Variants in CSMD1 observed in about 807,000 individuals in gnomAD.
CSMD1 encodes CUB and sushi domain-containing protein 1.
In CSMD1, 213 loss-of-function variants were observed where a neutral mutation model predicts 417.5. The observed-to-expected ratio is 0.51, with a 90% CI of 0.46 to 0.57. The LOEUF is 0.57. Among genes scored for constraint, CSMD1 ranks in the 20% least tolerant of loss-of-function variants. The pLI is 0.00. For synonymous variants in CSMD1, 2,862 were observed against 1,736.8 expected (o/e 1.65, Z -16.11); for missense variants, 6,923 against 4,529.7 (o/e 1.53, Z -15.17).
chr8:3,859,683 G>C (rs935174672), intron 5 of CSMD1, among the ~76,000 whole-genome samples: 2 of 152,138 alleles, frequency 1.3e-5, no homozygotes, highest in Non-Finnish European at 2.9e-5. Context: ...ATTAATCAAT[G>C]AGTCGTGCCT....
chr8:4,139,728 G>A (rs993198523), intron 3 of CSMD1, among the ~76,000 whole-genome samples: 1 of 151,174 alleles, frequency 6.6e-6, no homozygotes. Flanking sequence ...AGTGATGCTT[G>A]AGTAGATGAG....
chr8:3,732,777 G>T (rs565669481), intron 6 of CSMD1, among the ~76,000 whole-genome samples: 1 of 152,194 alleles, frequency 6.6e-6, no homozygotes, highest in East Asian at 1.9e-4. Flanking sequence ...AAGCTGAAAC[G>T]TCCATCCCAC....
intron 2 of CSMD1, among the ~76,000 whole-genome samples, chr8:4,634,439 G>T (rs374622026): frequency 6.6e-6 from 1 of 152,132 alleles, no homozygotes; most frequent in Admixed American, 6.6e-5. Context: ...AAATGCTCAA[G>T]TTGTTTAACA....
chr8:3,622,736 A>T (rs1584976256), intron 7 of CSMD1, among the ~76,000 whole-genome samples: 1 of 152,188 alleles, frequency 6.6e-6, no homozygotes, highest in South Asian at 2.1e-4. Context: ...CAGAAAAAGT[A>T]TGCTGACACA....
intron 10 of CSMD1, among the ~76,000 whole-genome samples, chr8:3,535,980 G>C (rs1222209066): frequency 6.6e-6 from 1 of 152,134 alleles, no homozygotes; most frequent in Non-Finnish European, 1.5e-5. Context: ...GGGCCATCCA[G>C]GGAGGGACTC....
chr8:4,488,349 C>A (rs1012853243), intron 2 of CSMD1, among the ~76,000 whole-genome samples: 1 of 152,136 alleles, frequency 6.6e-6, no homozygotes, highest in South Asian at 2.1e-4. Flanking sequence ...CAAGTGTATT[C>A]TGAACACTTG....
chr8:3,353,487 C>G (rs1043032354), intron 21 of CSMD1, among the ~76,000 whole-genome samples: 2 of 152,112 alleles, frequency 1.3e-5, no homozygotes, highest in Non-Finnish European at 2.9e-5. Flanking sequence ...AAAACAGATA[C>G]AACATGATAT....
At chr8:4,707,578 G>A (rs1318604264) in intron 1 of CSMD1, among the ~76,000 whole-genome samples, 3 of 151,966 alleles carry the variant, frequency 2.0e-5, no homozygotes, top group Non-Finnish European at 4.4e-5. Flanking sequence ...GGTTTTTACT[G>A]CAAACGAGCA....
chr8:4,868,025 T>C (rs751818769), intron 1 of CSMD1, among the ~76,000 whole-genome samples: 31 of 152,144 alleles, frequency 2.0e-4, no homozygotes, highest in Non-Finnish European at 3.5e-4. Context: ...CGGAAATGGC[T>C]CTTGAAAAAT....
intron 3 of CSMD1, among the ~76,000 whole-genome samples, chr8:4,303,596 G>A (rs796890126): frequency 9.9e-5 from 15 of 151,918 alleles, no homozygotes; most frequent in African/African-American, 3.6e-4. Context: ...GGCACCTTCT[G>A]GACATTGTCA....
At chr8:4,397,089 T>C (rs572788228) in intron 3 of CSMD1, among the ~76,000 whole-genome samples, 2 of 152,106 alleles carry the variant, frequency 1.3e-5, no homozygotes, top group Non-Finnish European at 1.5e-5. Flanking sequence ...TCCCCATCTC[T>C]CTTTTCCCTA....
intron 10 of CSMD1, among the ~76,000 whole-genome samples, chr8:3,554,228 A>C (rs1325533228): frequency 2.0e-5 from 3 of 152,262 alleles, no homozygotes; most frequent in African/African-American, 7.2e-5. Context: ...TTTTCTTTAT[A>C]AGAACAGTGA....
At chr8:3,370,985 A>AT (rs1254840887) in intron 18 of CSMD1, among the ~76,000 whole-genome samples, 1 of 152,028 alleles carries the variant, frequency 6.6e-6, no homozygotes, top group Non-Finnish European at 1.5e-5. Flanking sequence ...CAAAAAAAAA[A>AT]AGGCAGAGTA....
chr8:4,366,137 C>T (rs538078351), intron 3 of CSMD1, among the ~76,000 whole-genome samples: 2 of 152,228 alleles, frequency 1.3e-5, no homozygotes, highest in South Asian at 2.1e-4. Context: ...GTGTCACTGT[C>T]TTCAGTGTTT....
At chr8:4,606,639 A>G (rs1220160707) in intron 2 of CSMD1, among the ~76,000 whole-genome samples, 7 of 152,172 alleles carry the variant, frequency 4.6e-5, no homozygotes, top group Non-Finnish European at 1.0e-4. Flanking sequence ...TGGGCTTAAG[A>G]TTGCAGTCAA....
intron 3 of CSMD1, among the ~76,000 whole-genome samples, chr8:4,292,228 G>A (rs371215938): frequency 6.6e-6 from 1 of 152,036 alleles, no homozygotes; most frequent in Non-Finnish European, 1.5e-5. Flanking sequence ...ACTTTCCAAA[G>A]AATTTTGTTG....
chr8:4,213,748 A>G (rs7829915), intron 3 of CSMD1, among the ~76,000 whole-genome samples: 66,991 of 152,038 alleles, frequency 0.44, 16,452 homozygotes, highest in East Asian at 0.72. Context: ...GGGGTAGAAC[A>G]TGGCTGAGAT....
intron 7 of CSMD1, among the ~76,000 whole-genome samples, chr8:3,696,276 T>C (rs74663292): frequency 0.027 from 4,165 of 152,300 alleles, 190 homozygotes; most frequent in African/African-American, 0.095. Flanking sequence ...ATTCTAATAA[T>C]AATAATATGC....
chr8:4,295,009 G>C (rs574738417), intron 3 of CSMD1, among the ~76,000 whole-genome samples: 3 of 148,450 alleles, frequency 2.0e-5, no homozygotes, highest in East Asian at 4.0e-4. Context: ...CCAATCTAAG[G>C]TGTTAAGATT....
Sources: allele counts gnomAD v4.1 joint callset (sites outside exome capture counted in the v4.1 genomes callset), GRCh38; gene constraint gnomAD v4.1.1; transcripts MANE v1.5; gene names NCBI Gene and HGNC (gene_info 2026-07-23, HGNC 2026-07-21).